The following ANKFN1 variants were observed in gnomAD, a reference collection of about 807,000 sequenced individuals.
ANKFN1 encodes ankyrin repeat and fibronectin type-III domain-containing protein 1.
Under a neutral mutation model 108.7 loss-of-function variants are expected in ANKFN1, and 74 were observed. That is an observed-to-expected ratio of 0.68 (90% CI 0.56 to 0.83). The LOEUF (loss-of-function observed/expected upper bound fraction) is 0.83, where lower values mean the gene tolerates loss of function less well. ANKFN1 is among the 40% of genes least tolerant of loss of function. The pLI is 0.00. For synonymous variants in ANKFN1, 547 were observed against 516.2 expected, an observed-to-expected ratio of 1.06 and a Z score of -0.81; for missense variants, 1,505 against 1,382.3, an observed-to-expected ratio of 1.09 and a Z score of -1.41.
At chr17:56,339,675 G>A (rs538145529) in intron 4 of ANKFN1, among the ~76,000 whole-genome samples, 5 of 152,182 alleles carry the variant, frequency 3.3e-5, no homozygotes, top group South Asian at 2.1e-4. Flanking sequence ...CATGTTATAT[G>A]TGTACCACAT....
At chr17:56,222,541 T>C (rs1915961426) in intron 2 of ANKFN1, among the ~76,000 whole-genome samples, 1 of 152,084 alleles carries the variant, frequency 6.6e-6, no homozygotes, top group Admixed American at 6.5e-5. Context: ...CAAAGGACAC[T>C]AAAAGAGTAT....
intron 4 of ANKFN1, among the ~76,000 whole-genome samples, chr17:56,131,745 G>T (rs1010201580): frequency 6.6e-6 from 1 of 152,162 alleles, no homozygotes; most frequent in Non-Finnish European, 1.5e-5. Context: ...AAATACTATG[G>T]TCAGGGGTGG....
At chr17:56,420,566 C>T (rs2048369201) in intron 8 of ANKFN1, among the ~76,000 whole-genome samples, 1 of 151,672 alleles carries the variant, frequency 6.6e-6, no homozygotes, top group Non-Finnish European at 1.5e-5. Flanking sequence ...ACCCTGGATA[C>T]ATCAATAGGA....
intron 4 of ANKFN1, among the ~76,000 whole-genome samples, chr17:56,129,616 T>A (rs1268954918): frequency 6.6e-6 from 1 of 152,256 alleles, no homozygotes; most frequent in East Asian, 1.9e-4. Flanking sequence ...ATTTTTTTAA[T>A]TGTCACATAT....
chr17:56,324,845 A>C (rs529039171), intron 3 of ANKFN1, among the ~76,000 whole-genome samples: 2 of 152,324 alleles, frequency 1.3e-5, no homozygotes, highest in Middle Eastern at 6.8e-3. Context: ...AGCTAAACCA[A>C]GCTCTTCCTT....
intron 16 of ANKFN1, among the ~76,000 whole-genome samples, chr17:56,480,169 C>T (rs2050647904): frequency 6.6e-6 from 1 of 152,180 alleles, no homozygotes; most frequent in Non-Finnish European, 1.5e-5. Flanking sequence ...TTGTGATTCT[C>T]CTCAAGCTTT....
At chr17:56,212,488 G>A (rs1915090426) in intron 1 of ANKFN1, among the ~76,000 whole-genome samples, 110 bp from the exon 2 acceptor site, 1 of 152,066 alleles carries the variant, frequency 6.6e-6, no homozygotes, top group Non-Finnish European at 1.5e-5. Context: ...AGGGATATTG[G>A]TCTGTAGTTT....
chr17:56,163,854 C>T (rs1461727152), intron 1 of ANKFN1, among the ~76,000 whole-genome samples: 2 of 152,194 alleles, frequency 1.3e-5, no homozygotes, highest in African/African-American at 4.8e-5. Context: ...TGCCAACTCC[C>T]ATCTATGAGG....
intron 8 of ANKFN1, among the ~76,000 whole-genome samples, chr17:56,379,767 A>G (rs185675766): frequency 2.0e-5 from 3 of 152,278 alleles, no homozygotes; most frequent in East Asian, 1.9e-4. Context: ...TAATGTTACA[A>G]TTCTTATATG....
chr17:56,159,673 A>G (rs1204839258), intron 1 of ANKFN1, among the ~76,000 whole-genome samples: 1 of 152,190 alleles, frequency 6.6e-6, no homozygotes, highest in Non-Finnish European at 1.5e-5. Context: ...AGACACACGT[A>G]TTAATAACTC....
At chr17:56,175,243 A>T (rs1911039546) in intron 1 of ANKFN1, among the ~76,000 whole-genome samples, 1 of 152,244 alleles carries the variant, frequency 6.6e-6, no homozygotes, top group South Asian at 2.1e-4. Context: ...TTATAATATG[A>T]CAGGGTAGGA....
At chr17:56,509,785 A>G (rs1348158945) in intron 20 of ANKFN1, among the ~76,000 whole-genome samples, 1 of 152,238 alleles carries the variant, frequency 6.6e-6, no homozygotes, top group Non-Finnish European at 1.5e-5. Flanking sequence ...CTAAAATAGA[A>G]GAAACCTTGA....
intron 4 of ANKFN1, among the ~76,000 whole-genome samples, chr17:56,059,309 TC>T (rs1172631841): frequency 1.3e-5 from 2 of 152,226 alleles, no homozygotes; most frequent in Non-Finnish European, 2.9e-5. Context: ...TTGTTTAAGT[TC>T]CTTGTAAATT....
chr17:56,143,960 GAGGCTTTTTCA>G (rs1378588178), intron 4 of ANKFN1, among the ~76,000 whole-genome samples: 2 of 152,192 alleles, frequency 1.3e-5, no homozygotes, highest in Non-Finnish European at 2.9e-5. Context: ...AGGTTAAGTG[GAGGCTTTTTCA>G]AGCCACCAAG....
intron 14 of ANKFN1, among the ~76,000 whole-genome samples, chr17:56,458,408 C>A (rs73991539): frequency 6.6e-6 from 1 of 151,858 alleles, no homozygotes; most frequent in East Asian, 1.9e-4. Context: ...AAAAAAGAGA[C>A]GAGCAGATAT....
chr17:56,117,679 G>A (rs574084821), intron 4 of ANKFN1, among the ~76,000 whole-genome samples: 2 of 152,058 alleles, frequency 1.3e-5, no homozygotes, highest in East Asian at 3.9e-4. Flanking sequence ...ATCCTAGGAG[G>A]GCAATTTTCT....
At chr17:56,082,529 G>A (rs1905261421) in intron 4 of ANKFN1, among the ~76,000 whole-genome samples, 1 of 152,122 alleles carries the variant, frequency 6.6e-6, no homozygotes, top group Non-Finnish European at 1.5e-5. Context: ...CCCACTGAGA[G>A]TAAGATTTGC....
chr17:56,220,658 A>G (rs896494383), intron 2 of ANKFN1, among the ~76,000 whole-genome samples: 1 of 151,170 alleles, frequency 6.6e-6, no homozygotes, highest in Non-Finnish European at 1.5e-5. Context: ...TCTATCTAAA[A>G]AGAAAGAAAG....
intron 3 of ANKFN1, among the ~76,000 whole-genome samples, chr17:56,307,060 C>T (rs1042631288): frequency 1.3e-5 from 2 of 152,112 alleles, no homozygotes; most frequent in Non-Finnish European, 2.9e-5. Context: ...TTCCTTACAC[C>T]TTATACAAAA....
Sources: gnomAD v4.1 joint callset for allele counts (sites outside exome capture counted in the v4.1 genomes callset) on GRCh38, gnomAD v4.1.1 for gene constraint, MANE v1.5 for transcripts, NCBI Gene and HGNC (gene_info 2026-07-23, HGNC 2026-07-21) for gene names.